PSMA2: variants seen among roughly 807,000 people sequenced by gnomAD.
PSMA2 encodes the protein proteasome subunit alpha type-2.
PSMA2 carries 2 observed loss-of-function variants against 35.9 expected under a neutral mutation model. That is an observed-to-expected ratio of 0.06 (90% CI 0.02 to 0.18). The LOEUF (loss-of-function observed/expected upper bound fraction) is 0.18. Among genes scored for constraint, PSMA2 ranks in the 10% least tolerant of loss-of-function variants. The pLI is 1.00. For synonymous variants in PSMA2, 97 were observed against 98.2 expected (o/e 0.99, Z 0.07); for missense variants, 126 against 278.8 (o/e 0.45, Z 3.90).
At position 42,919,440 on chromosome 7, in the gene PSMA2, G is replaced by A. The variant is rs76315369; in HGVS notation, c.531-1605C>T. 1.7e-3 allele frequency: 902 copies of A among 546,080 alleles called. 4 individuals are homozygous for A. Among genetic ancestry groups the A allele is most frequent in the African/African-American group, 0.015 (798 of 52,566 alleles). The allele number at this position is 546,080 out of a possible 1,614,324, so 33.8% of individuals were successfully genotyped here. Reference sequence around the variant, plus strand: ...TTGCATATATGACTTGAACAAACCCGAAGCAGAACCTGAGGAAATTAGTGA... The same window carrying A: ...TTGCATATATGACTTGAACAAACCCAAAGCAGAACCTGAGGAAATTAGTGA... On this transcript the variant is annotated intron_variant, in intron 6 of 7. Transcript: ENST00000223321.
At chr7:42,928,351 A>G (rs1002689590) in intron 1 of PSMA2, among the ~76,000 whole-genome samples, 9 of 152,246 alleles carry the variant, frequency 5.9e-5, no homozygotes, top group African/African-American at 1.9e-4. Flanking sequence ...ACAGCAGCAC[A>G]TATTTCAGGT....
chr7:42,931,215 C>T, intron 1 of PSMA2: 1 of 436,520 alleles, frequency 2.3e-6, no homozygotes, highest in South Asian at 1.6e-5. Context: ...TTAAGTTGCA[C>T]CTAACAAAGT....
chr7:42,917,854 ATTAC>A lies in PSMA2; in HGVS notation c.531-23_531-20del. On this transcript the variant is annotated intron_variant, in intron 6 of 7. Coordinates refer to ENST00000223321, the MANE Select transcript of PSMA2 (RefSeq NM_002787.5). ...ATTATATCTGAAGAATTTAAAAAAA[ATTAC>A]TTATATCATTGTTTATATTCTTTAT... 1.4e-6 allele frequency: 2 copies of A among 1,466,570 alleles called. No individual in the cohort carries two copies. The highest frequency in any genetic ancestry group is 2.0e-5 in the Admixed American group (1 of 49,156). 90.8% of individuals were successfully genotyped at this position (1,466,570 alleles called of 1,614,324 possible).
intron 4 of PSMA2, among the ~76,000 whole-genome samples, chr7:42,924,332 C>A (rs1377135461): frequency 1.9e-5 from 2 of 107,938 alleles, no homozygotes; most frequent in African/African-American, 7.3e-5. Context: ...CCAGCCTGGG[C>A]GACAGAGTGA....
chr7:42,929,618 CT>C (rs76082098), intron 1 of PSMA2, among the ~76,000 whole-genome samples: 5,545 of 151,932 alleles, frequency 0.036, 182 homozygotes, highest in East Asian at 0.099. Flanking sequence ...TGGTTTTCCT[CT>C]TTCTCAACCT....
chr7:42,919,707 A>G (rs1786096036), intron 6 of PSMA2: 1 of 571,326 alleles, frequency 1.8e-6, no homozygotes, highest in Non-Finnish European at 3.3e-6. Flanking sequence ...AATCCTTTCA[A>G]GCTCCTGCAA....
chr7:42,921,852 G>A lies in PSMA2; in HGVS notation c.530+6C>T, dbSNP rs1347217535. 1.2e-6 allele frequency: 2 copies of A among 1,610,060 alleles called. No homozygotes were observed. The highest frequency in any genetic ancestry group is 1.7e-6 in the Non-Finnish European group (2 of 1,177,358). Reference sequence around the variant, plus strand: ...TAAAGAATGCAGTTACAATGAGTAGGCCTACCTTTTCTCAAGGAAAGTCTT... The same window carrying A: ...TAAAGAATGCAGTTACAATGAGTAGACCTACCTTTTCTCAAGGAAAGTCTT... On this transcript the variant is annotated splice_donor_region_variant and intron_variant, in intron 6 of 7. Transcript: ENST00000223321.
chr7:42,923,499 C>T, intron 4 of PSMA2, 93 bp from the exon 5 acceptor site: 1 of 901,006 alleles, frequency 1.1e-6, no homozygotes, highest in South Asian at 1.5e-5. Context: ...AGCAAATTAT[C>T]AGGCAAACTG....
chr7:42,926,530 A>AATT lies in PSMA2; in HGVS notation c.251+5_251+6insAAT. 6.4e-7 allele frequency: 1 copy of AATT among 1,574,194 alleles called. No homozygotes were observed. The highest frequency in any genetic ancestry group is 8.6e-7 in the Non-Finnish European group (1 of 1,167,012). On this transcript the variant is annotated splice_donor_region_variant and intron_variant, in intron 3 of 7. Coordinates refer to ENST00000223321, the MANE Select transcript of PSMA2 (RefSeq NM_002787.5). ...GGTGAGAAACACTATAAAAAGTATA[A>AATT]AGTACCTGTAATCGGGGCCCATGCC... is the stretch of plus-strand genomic sequence containing the variant.
At chr7:42,929,166 G>A (rs2128674900) in intron 1 of PSMA2, among the ~76,000 whole-genome samples, 1 of 152,160 alleles carries the variant, frequency 6.6e-6, no homozygotes, top group South Asian at 2.1e-4. Flanking sequence ...ACAATCATTT[G>A]GCTGACAGAG....
intron 3 of PSMA2, 99 bp downstream of exon 3, chr7:42,926,437 T>C: frequency 7.4e-7 from 1 of 1,357,682 alleles, no homozygotes; most frequent in Non-Finnish European, 9.8e-7. Context: ...AAAGAGGAAC[T>C]GGAAGATTAA....
In PSMA2 at chr7:42,924,764, T is replaced by C. The variant is rs957208188; in HGVS notation, c.285A>G (p.Gln95=). The change falls in exon 4 of 8, where the codon CAA becomes CAG. Residue 95 remains glutamine (Q), a synonymous_variant. Transcript: ENST00000223321. ...GTTCTTGGTACACAAGATAGTATTG[T>C]TGAGCTAGTTTTCGAGCTCTGTGCA... is the stretch of plus-strand genomic sequence containing the variant. The part of the protein sequence containing the change: ...VLVHRARKLA[Q]QYYLVYQEPI... 5 of 1,612,714 alleles carry C rather than the reference T, an allele frequency of 3.1e-6. No individual in the cohort carries two copies. The highest frequency in any genetic ancestry group is 2.7e-5 in the African/African-American group (2 of 74,898).
At chr7:42,922,401 G>C (rs1051922292) in intron 5 of PSMA2, among the ~76,000 whole-genome samples, 4 of 152,072 alleles carry the variant, frequency 2.6e-5, no homozygotes, top group African/African-American at 9.7e-5. Flanking sequence ...ATTAAAAAGA[G>C]AGCATCTCAT....
chr7:42,930,077 T>C (rs569464541), intron 1 of PSMA2, among the ~76,000 whole-genome samples: 3 of 152,294 alleles, frequency 2.0e-5, no homozygotes, highest in South Asian at 4.1e-4. Flanking sequence ...CTCAACCAAA[T>C]GTAGTCCACA....
At chr7:42,927,563 A>C (rs1388653586) in intron 1 of PSMA2, 104 bp from the exon 2 acceptor site, 1 of 1,105,600 alleles carries the variant, frequency 9.0e-7, no homozygotes, top group East Asian at 2.5e-5. Context: ...CAATTTATCC[A>C]ACTCCAGGGA....
intron 2 of PSMA2, 23 bp downstream of exon 2, chr7:42,927,360 A>C: frequency 6.3e-7 from 1 of 1,595,920 alleles, no homozygotes; most frequent in Non-Finnish European, 8.6e-7. Flanking sequence ...CAGGCATCTG[A>C]AATGAATGAA....
chr7:42,926,418 C>T, intron 3 of PSMA2, 118 bp downstream of exon 3: 1 of 1,249,052 alleles, frequency 8.0e-7, no homozygotes, highest in Admixed American at 2.9e-5. Flanking sequence ...CTAAACAAAG[C>T]ACACAAAAAA....
chr7:42,926,456 A>T lies in PSMA2; in HGVS notation c.251+80T>A. The T allele has an allele frequency of 3.5e-6, 5 of 1,423,874 alleles. No individual in the cohort carries two copies. The South Asian group carries it at 8.0e-5, about 23-fold the overall frequency. The allele number at this position is 1,423,874 out of a possible 1,614,324, so 88.2% of individuals were successfully genotyped here. A position where few individuals can be genotyped will look rare whatever the true frequency, so the allele number is the denominator to read the frequency against. ...AGGAACTGGAAGATTAAAGGAAAACAACCTTGGTTTTTCTCCTGAAAATAC... is the reference window on the plus strand; with the variant it reads ...AGGAACTGGAAGATTAAAGGAAAACTACCTTGGTTTTTCTCCTGAAAATAC... On this transcript the variant is annotated intron_variant, in intron 3 of 7. Transcript: ENST00000223321.
chr7:42,919,479 A>G, intron 6 of PSMA2: 1 of 525,462 alleles, frequency 1.9e-6, no homozygotes, highest in Non-Finnish European at 3.8e-6. Flanking sequence ...CAGCTCTGAT[A>G]TTAAAAAGGC....
Sources: gnomAD v4.1 joint callset for allele counts (sites outside exome capture counted in the v4.1 genomes callset) on GRCh38, gnomAD v4.1.1 for gene constraint, MANE v1.5 for transcripts, NCBI Gene and HGNC (gene_info 2026-07-23, HGNC 2026-07-21) for gene names.